Variants in ATG4C observed in about 807,000 individuals in gnomAD.
The protein encoded by ATG4C is cysteine protease ATG4C.
A neutral mutation model predicts 57.6 loss-of-function variants in ATG4C; 56 were observed. That is an observed-to-expected ratio of 0.97 (90% CI 0.78 to 1.21). The LOEUF (loss-of-function observed/expected upper bound fraction) is 1.21. Among genes scored for constraint, ATG4C ranks in the 50% most tolerant of loss-of-function variants. The probability of loss-of-function intolerance (pLI) is 0.00; values close to 1 mark genes in which losing one functional copy is unlikely to be tolerated. For synonymous variants in ATG4C, 157 were observed against 174.1 expected (o/e 0.90, Z 0.78); for missense variants, 595 against 529.8 (o/e 1.12, Z -1.21).
intron 10 of ATG4C, among the ~76,000 whole-genome samples, chr1:62,852,645 A>G (rs1464484340): frequency 6.6e-6 from 1 of 152,132 alleles, no homozygotes; most frequent in Non-Finnish European, 1.5e-5. Flanking sequence ...TTGTTTACTA[A>G]TCACATAATG....
chr1:62,837,689 G>A (rs1040779196), intron 9 of ATG4C, among the ~76,000 whole-genome samples: 4 of 152,118 alleles, frequency 2.6e-5, no homozygotes, highest in Non-Finnish European at 4.4e-5. Context: ...TTAGAATTAC[G>A]TGATGTGGGC....
intron 4 of ATG4C, among the ~76,000 whole-genome samples, chr1:62,817,869 C>T (rs1665333696): frequency 6.6e-6 from 1 of 152,088 alleles, no homozygotes; most frequent in Non-Finnish European, 1.5e-5. Flanking sequence ...AGTATCCCTA[C>T]AATGCATGGC....
intron 1 of ATG4C, among the ~76,000 whole-genome samples, chr1:62,784,790 C>T (rs900887016): frequency 6.6e-6 from 1 of 152,234 alleles, no homozygotes; most frequent in Middle Eastern, 3.4e-3. Context: ...TAAATATTAA[C>T]GTTCATTCAC....
At chr1:62,837,323 T>C (rs1666028377) in intron 9 of ATG4C, among the ~76,000 whole-genome samples, 1 of 152,190 alleles carries the variant, frequency 6.6e-6, no homozygotes, top group Non-Finnish European at 1.5e-5. Flanking sequence ...AGTGAAGATA[T>C]GCCAGGGATA....
intron 1 of ATG4C, among the ~76,000 whole-genome samples, chr1:62,793,175 C>T (rs563233722): frequency 8.6e-5 from 13 of 151,992 alleles, no homozygotes; most frequent in African/African-American, 2.2e-4. Flanking sequence ...CGTGAGCCAC[C>T]GCGCCCGGCC....
chr1:62,818,442 CTT>C (rs1665356642), intron 4 of ATG4C, among the ~76,000 whole-genome samples: 1 of 152,036 alleles, frequency 6.6e-6, no homozygotes. Flanking sequence ...ATACAAAAGT[CTT>C]TATCTCAGCA....
chr1:62,834,745 G>T (rs1177224909), intron 8 of ATG4C, 31 bp from the exon 9 acceptor site: 2 of 1,569,368 alleles, frequency 1.3e-6, no homozygotes, highest in African/African-American at 1.4e-5. Context: ...GGTGTTTTTT[G>T]AATTACTTGT....
chr1:62,849,801 A>G (rs6587992), intron 10 of ATG4C, among the ~76,000 whole-genome samples: 68,653 of 151,462 alleles, frequency 0.45, 15,641 homozygotes, highest in East Asian at 0.66. Context: ...GTGAGCCACT[A>G]CACCTGGCTG....
chr1:62,864,177 CT>C lies in ATG4C; in HGVS notation c.*20del. 6.4e-7 allele frequency: 1 copy of C among 1,573,882 alleles called. No homozygotes were observed. On this transcript the variant is annotated 3_prime_UTR_variant, in exon 11 of 11. Coordinates refer to ENST00000317868, the MANE Select transcript of ATG4C (RefSeq NM_032852.4). Reference sequence around the variant, plus strand: ...TGCTTTAAAGATTAGCACATTTGTGCTTGATAAGAAGAATTCCATTGAAAGG... The same window carrying C: ...TGCTTTAAAGATTAGCACATTTGTGCTGATAAGAAGAATTCCATTGAAAGG...
chr1:62,862,421 G>C (rs1251941243), intron 10 of ATG4C, among the ~76,000 whole-genome samples: 1 of 152,122 alleles, frequency 6.6e-6, no homozygotes, highest in Non-Finnish European at 1.5e-5. Context: ...TTGCCCGTTA[G>C]ATACTGGACT....
At chr1:62,800,521 ATGGATGCATAATCCATCATG>A (rs1664623667) in intron 1 of ATG4C, among the ~76,000 whole-genome samples, 1 of 152,184 alleles carries the variant, frequency 6.6e-6, no homozygotes, top group Non-Finnish European at 1.5e-5. Flanking sequence ...GACATTTTTA[ATGGATGCATAATCCATCATG>A]TGGATGCACT....
chr1:62,843,851 A>G (rs1272132783), intron 10 of ATG4C, among the ~76,000 whole-genome samples: 1 of 152,326 alleles, frequency 6.6e-6, no homozygotes, highest in Admixed American at 6.5e-5. Flanking sequence ...AAGTAGACAT[A>G]TATTACATTG....
chr1:62,847,190 CA>C (rs1309358987), intron 10 of ATG4C, among the ~76,000 whole-genome samples: 1 of 151,358 alleles, frequency 6.6e-6, no homozygotes, highest in African/African-American at 2.4e-5. Context: ...CAAAACAGAA[CA>C]AAAAAGCATA....
At chr1:62,798,713 T>C (rs1001178354) in intron 1 of ATG4C, among the ~76,000 whole-genome samples, 3 of 152,122 alleles carry the variant, frequency 2.0e-5, no homozygotes, top group African/African-American at 7.2e-5. Context: ...GGCACAGTCT[T>C]GGCTCACTGC....
In ATG4C at chr1:62,816,603, G is replaced by A. The variant is rs1019498177; in HGVS notation, c.189G>A (p.Ser63=). The A allele has an allele frequency of 4.3e-6, 7 of 1,612,438 alleles. No homozygotes were observed. Among genetic ancestry groups the A allele is most frequent in the Admixed American group, 3.3e-5 (2 of 59,802 alleles). Residue 63 remains serine (S), a synonymous_variant, in exon 4 of 11, where the codon TCG becomes TCA. Transcript: ENST00000317868. ...AAGATAAAACGTTACCTGCAGAGTCGGGATGTACAATAGAGGATCACGTAA... is the reference window on the plus strand; with the variant it reads ...AAGATAAAACGTTACCTGCAGAGTCAGGATGTACAATAGAGGATCACGTAA... ...EDEDKTLPAE[S]GCTIEDHVIA...
chr1:62,786,288 A>G (rs2100270480), intron 1 of ATG4C, among the ~76,000 whole-genome samples: 1 of 152,352 alleles, frequency 6.6e-6, no homozygotes, highest in South Asian at 2.1e-4. Context: ...TGCTGGGGAT[A>G]TAGAGTGAAC....
At chr1:62,852,708 C>T (rs1266189467) in intron 10 of ATG4C, among the ~76,000 whole-genome samples, 2 of 151,314 alleles carry the variant, frequency 1.3e-5, no homozygotes, top group East Asian at 3.9e-4. Context: ...AGAGTTAGTA[C>T]TCCTTTCCCC....
intron 10 of ATG4C, among the ~76,000 whole-genome samples, chr1:62,859,848 C>T (rs376079567): frequency 3.0e-4 from 46 of 152,082 alleles, no homozygotes; most frequent in African/African-American, 8.7e-4. Flanking sequence ...GCGCCCACCA[C>T]CACACCTGGC....
intron 6 of ATG4C, among the ~76,000 whole-genome samples, chr1:62,822,169 T>G (rs1283916516): frequency 2.6e-5 from 4 of 152,170 alleles, no homozygotes; most frequent in Admixed American, 2.6e-4. Flanking sequence ...AAGTTAAATA[T>G]ACTTCAATCA....
Sources: allele counts gnomAD v4.1 joint callset (sites outside exome capture counted in the v4.1 genomes callset), GRCh38; gene constraint gnomAD v4.1.1; transcripts MANE v1.5; gene names NCBI Gene and HGNC (gene_info 2026-07-23, HGNC 2026-07-21).